XPR1: variants seen among roughly 807,000 people sequenced by gnomAD.
XPR1 encodes solute carrier family 53 member 1.
Under a neutral mutation model 87.5 loss-of-function variants are expected in XPR1, and 28 were observed. That is an observed-to-expected ratio of 0.32 (90% CI 0.24 to 0.44). The LOEUF is 0.44. Ranked by LOEUF, XPR1 falls within the 20% of genes least tolerant of loss-of-function variation. XPR1 has a pLI of 1.00. For missense variants in XPR1, 559 were observed against 862.3 expected (o/e 0.65, Z 4.41); for synonymous variants, 300 against 306.1 (o/e 0.98, Z 0.21).
chr1:180,779,857 C>T (rs1287573867), intron 2 of XPR1, among the ~76,000 whole-genome samples: 1 of 152,160 alleles, frequency 6.6e-6, no homozygotes, highest in Non-Finnish European at 1.5e-5. Context: ...GCCTGCCAAC[C>T]ACCACTCTAC....
At chr1:180,698,211 T>A (rs1303716149) in intron 2 of XPR1, among the ~76,000 whole-genome samples, 2 of 152,150 alleles carry the variant, frequency 1.3e-5, no homozygotes, top group African/African-American at 4.8e-5. Context: ...CATTTTACAG[T>A]TTTTGACTTA....
intron 2 of XPR1, among the ~76,000 whole-genome samples, chr1:180,703,014 A>G (rs1657404693): frequency 6.6e-6 from 1 of 152,128 alleles, no homozygotes; most frequent in Non-Finnish European, 1.5e-5. Flanking sequence ...TGGGTAGGGC[A>G]GTAGTGTAGT....
At chr1:180,726,914 G>T (rs182572579) in intron 2 of XPR1, among the ~76,000 whole-genome samples, 2 of 149,998 alleles carry the variant, frequency 1.3e-5, no homozygotes, top group Non-Finnish European at 1.5e-5. Flanking sequence ...TCGCTTTGGC[G>T]CCTAGGCTGG....
At chr1:180,879,156 C>T (rs904631265) in intron 13 of XPR1, among the ~76,000 whole-genome samples, 1 of 152,186 alleles carries the variant, frequency 6.6e-6, no homozygotes. Flanking sequence ...CTGTCAGCTC[C>T]ATCTTTATAA....
At chr1:180,851,033 TTTAG>T (rs1380168742) in intron 11 of XPR1, among the ~76,000 whole-genome samples, 2 of 152,150 alleles carry the variant, frequency 1.3e-5, no homozygotes, top group African/African-American at 4.8e-5. Context: ...TAGCATTTCA[TTTAG>T]TTAAATAAAT....
chr1:180,696,307 T>A (rs1657175361), intron 2 of XPR1, among the ~76,000 whole-genome samples: 1 of 151,424 alleles, frequency 6.6e-6, no homozygotes, highest in Non-Finnish European at 1.5e-5. Flanking sequence ...TGATTTTTTG[T>A]ATGCTTATTT....
chr1:180,803,427 A>G lies in XPR1; in HGVS notation c.263A>G (p.Gln88Arg). Residue 88 changes from glutamine to arginine, a missense_variant, in exon 4 of 15, where the codon CAG becomes CGG. Physicochemically the swap from Gln to Arg is conservative, Grantham distance 43. Coordinates refer to ENST00000367590, the MANE Select transcript of XPR1 (RefSeq NM_004736.4). ...AEAQRRFATL[Q>R]NELQSSLDAQ... ...GCTCAGCGCAGGTTTGCTACACTTC[A>G]GAATGAGCTTCAGTCATCACTGGAT... The G allele has an allele frequency of 1.2e-6, 2 of 1,614,088 alleles. No individual in the cohort carries two copies. The highest frequency in any genetic ancestry group is 1.7e-5 in the Admixed American group (1 of 60,022).
intron 1 of XPR1, among the ~76,000 whole-genome samples, chr1:180,669,067 C>A (rs1656063905): frequency 7.1e-6 from 1 of 139,974 alleles, no homozygotes; most frequent in Non-Finnish European, 1.5e-5. Flanking sequence ...CCAGCCTGAG[C>A]AACAAGAGCG....
At position 180,863,821 on chromosome 1, in the gene XPR1, A is replaced by G. The variant is rs545133864; in HGVS notation, c.1615A>G (p.Lys539Glu). The G allele has an allele frequency of 6.2e-7, 1 of 1,612,292 alleles. No homozygotes were observed. The highest frequency in any genetic ancestry group is 8.5e-7 in the Non-Finnish European group (1 of 1,179,292). Residue 539 changes from lysine (K) to glutamate (E), a missense_variant, in exon 12 of 15, where the codon AAG becomes GAG. Transcript: ENST00000367590. ...CAAGATGGACTGGGGTCTCTTCGAT[A>G]AGAATGCTGGAGAGAACACTTTCCT... is the stretch of plus-strand genomic sequence containing the variant. ...DLKMDWGLFD[K>E]NAGENTFLRE...
intron 12 of XPR1, among the ~76,000 whole-genome samples, chr1:180,872,596 C>A (rs1454244721): frequency 8.8e-6 from 1 of 113,846 alleles, no homozygotes; most frequent in African/African-American, 3.4e-5. Flanking sequence ...GCGTCCGTCA[C>A]CCCTTTCTTT....
chr1:180,641,244 T>C (rs1654951710), intron 1 of XPR1, among the ~76,000 whole-genome samples: 1 of 152,158 alleles, frequency 6.6e-6, no homozygotes, highest in Admixed American at 6.5e-5. Flanking sequence ...ATATGAAAAG[T>C]GTTTAGAACA....
At chr1:180,783,778 G>A (rs116658788) in intron 2 of XPR1, among the ~76,000 whole-genome samples, 6,813 of 151,952 alleles carry the variant, frequency 0.045, 262 homozygotes, top group Middle Eastern at 0.099. Context: ...GGTAAGGCTG[G>A]GCGTGGTGGC....
chr1:180,758,032 G>A (rs1647824340), intron 2 of XPR1, among the ~76,000 whole-genome samples: 1 of 151,636 alleles, frequency 6.6e-6, no homozygotes, highest in African/African-American at 2.4e-5. Flanking sequence ...TTACAGAAGA[G>A]TATGGTGTTG....
chr1:180,644,130 A>G (rs1041861239), intron 1 of XPR1, among the ~76,000 whole-genome samples: 3 of 152,234 alleles, frequency 2.0e-5, no homozygotes, highest in Non-Finnish European at 4.4e-5. Flanking sequence ...TAATGTTCAC[A>G]TTCTAGGCTA....
chr1:180,840,567 T>TGC (rs67312781), intron 11 of XPR1, among the ~76,000 whole-genome samples: 1 of 105,242 alleles, frequency 9.5e-6, no homozygotes, highest in South Asian at 2.8e-4. Context: ...TGTGTGTGTG[T>TGC]ATATATATAT....
chr1:180,696,726 T>G (rs905520917), intron 2 of XPR1, among the ~76,000 whole-genome samples: 1 of 152,190 alleles, frequency 6.6e-6, no homozygotes, highest in Non-Finnish European at 1.5e-5. Flanking sequence ...AGATGCTTTT[T>G]TGTGTGTGTC....
chr1:180,707,462 A>G (rs1012747239), intron 2 of XPR1, among the ~76,000 whole-genome samples: 9 of 152,186 alleles, frequency 5.9e-5, no homozygotes, highest in Admixed American at 6.5e-5. Flanking sequence ...TTTAATTTTA[A>G]TAGTGGAATT....
chr1:180,786,437 C>G (rs1649142956), intron 2 of XPR1, among the ~76,000 whole-genome samples: 2 of 152,142 alleles, frequency 1.3e-5, no homozygotes, highest in Admixed American at 1.3e-4. Flanking sequence ...TTTTTCTACA[C>G]TTTTCAATCT....
intron 2 of XPR1, among the ~76,000 whole-genome samples, chr1:180,732,605 G>A (rs1452335214): frequency 6.6e-6 from 1 of 152,170 alleles, no homozygotes; most frequent in Admixed American, 6.5e-5. Flanking sequence ...GTGCCCCACT[G>A]CTCAAACTTC....
Sources: gnomAD v4.1 joint callset for allele counts (sites outside exome capture counted in the v4.1 genomes callset) on GRCh38, gnomAD v4.1.1 for gene constraint, MANE v1.5 for transcripts, NCBI Gene and HGNC (gene_info 2026-07-23, HGNC 2026-07-21) for gene names.